Variants in ATP2A2 observed in about 807,000 individuals in gnomAD.
ATP2A2 encodes sarcoplasmic/endoplasmic reticulum calcium ATPase 2.
Under a neutral mutation model 109.3 loss-of-function variants are expected in ATP2A2, and 14 were observed. The observed-to-expected ratio is 0.13, with a 90% CI of 0.08 to 0.20. The LOEUF is 0.20. Ranked by LOEUF, ATP2A2 falls within the 10% of genes least tolerant of loss-of-function variation. The pLI, the probability that ATP2A2 is intolerant of heterozygous loss-of-function variation, is 1.00. For synonymous variants in ATP2A2, 506 were observed against 490.9 expected (o/e 1.03, Z -0.41); for missense variants, 657 against 1,321.6 (o/e 0.50, Z 7.80).
At chr12:110,334,254 C>CTA (rs1246696503) in intron 11 of ATP2A2, 111 bp downstream of exon 11, 1 of 1,317,012 alleles carries the variant, frequency 7.6e-7, no homozygotes, top group East Asian at 2.3e-5. Flanking sequence ...CTTATCTCCT[C>CTA]AAACTTACAG....
Position 110,339,709 on chromosome 12 carries a change from T to C in ATP2A2, c.1749T>C (p.Phe583=). 6.2e-7 allele frequency: 1 copy of C among 1,614,042 alleles called. No homozygotes were observed. The highest frequency in any genetic ancestry group is 1.3e-5 in the African/African-American group (1 of 75,062). ...TGCACCTTGAGGACTCTGCCAACTT[T>C]ATTAAATATGAGGTTAGCTAATGAA... is the stretch of plus-strand genomic sequence containing the variant. ...EEMHLEDSAN[F]IKYETNLTFV... is the part of the protein sequence containing the mutation. The change falls in exon 13 of 20, where the codon TTT becomes TTC. Residue 583 remains phenylalanine, a synonymous_variant. Transcript: ENST00000539276. The surrounding 1 kb of genome is among the most constrained non-coding windows in gnomAD (Gnocchi z 4.4).
At chr12:110,312,024 T>C (rs759262099) in intron 5 of ATP2A2, among the ~76,000 whole-genome samples, 21 of 151,662 alleles carry the variant, frequency 1.4e-4, no homozygotes, top group Non-Finnish European at 7.4e-5. Flanking sequence ...AAATAAAAAA[T>C]GAAAATTTGC....
In ATP2A2 at chr12:110,347,105, C is replaced by G. The variant is rs1255777566; in HGVS notation, c.*635C>G. The G allele has an allele frequency of 7.0e-6, 8 of 1,136,508 alleles. No individual in the cohort carries two copies. The highest frequency in any genetic ancestry group is 6.0e-5 in the South Asian group (3 of 50,184). The allele number at this position is 1,136,508 out of a possible 1,614,324, so 70.4% of individuals were successfully genotyped here. ...TTGTGATGGTTCGTTCTGTTTACATCAGTTTTAACGAGAGGTATGCCTGTA... is the reference window on the plus strand; with the variant it reads ...TTGTGATGGTTCGTTCTGTTTACATGAGTTTTAACGAGAGGTATGCCTGTA... On this transcript the variant is annotated 3_prime_UTR_variant, in exon 20 of 20. Transcript: ENST00000539276.
intron 11 of ATP2A2, among the ~76,000 whole-genome samples, chr12:110,335,212 G>A (rs1000363757): frequency 3.3e-5 from 5 of 152,150 alleles, no homozygotes; most frequent in Non-Finnish European, 5.9e-5. Context: ...CTGCAGTACT[G>A]CCCTTAGATT....
chr12:110,347,357 CCTGGGA>C lies in ATP2A2; in HGVS notation c.*890_*895del. The C allele has an allele frequency of 7.8e-7, 1 of 1,289,076 alleles. No homozygotes were observed. Among genetic ancestry groups the C allele is most frequent in the South Asian group, 1.2e-5 (1 of 80,998 alleles). The allele number at this position is 1,289,076 out of a possible 1,614,324, so 79.9% of individuals were successfully genotyped here. On this transcript the variant is annotated 3_prime_UTR_variant, in exon 20 of 20. Transcript: ENST00000539276. ...TTGTCTTTAACTCGTAAGTGGCTTA[CCTGGGA>C]CTAACAGACATGTCCAACTTTCTCT...
At chr12:110,294,719 G>A (rs1378013119) in intron 4 of ATP2A2, among the ~76,000 whole-genome samples, 1 of 152,182 alleles carries the variant, frequency 6.6e-6, no homozygotes, top group Non-Finnish European at 1.5e-5. Context: ...GGTATGAGCA[G>A]CAATAGAGGG....
chr12:110,290,531 T>C (rs1873150984), intron 3 of ATP2A2, among the ~76,000 whole-genome samples: 1 of 152,238 alleles, frequency 6.6e-6, no homozygotes, highest in Non-Finnish European at 1.5e-5. Flanking sequence ...ATGAATGGAA[T>C]TTATTCCCTC....
Position 110,339,469 on chromosome 12 carries a change from CA to C in ATP2A2, c.1543-30del. The C allele has an allele frequency of 6.2e-7, 1 of 1,614,022 alleles. No individual in the cohort carries two copies. The highest frequency in any genetic ancestry group is 8.5e-7 in the Non-Finnish European group (1 of 1,179,966). On this transcript the variant is annotated intron_variant, in intron 12 of 19. Transcript: ENST00000539276. The surrounding 1 kb of genome is among the most constrained non-coding windows in gnomAD (Gnocchi z 4.4). ...TTAAGATCCCGGTGAACCAATAAAACAAAATTGTTTATCTAAATCTGTAACA... is the reference window on the plus strand; with the variant it reads ...TTAAGATCCCGGTGAACCAATAAAACAAATTGTTTATCTAAATCTGTAACA...
Position 110,346,064 on chromosome 12 carries a change from C to T in ATP2A2, c.2805C>T (p.Ser935=). ...GGGAGAACATCTGGCTCGTGGGCTC[C>T]ATCTGCCTGTCCATGTCACTCCACT... ...PPWENIWLVG[S]ICLSMSLHFL... is the part of the protein sequence containing the mutation. Residue 935 remains serine, a synonymous_variant, in exon 19 of 20, where the codon TCC becomes TCT. Transcript: ENST00000539276. The T allele has an allele frequency of 2.5e-6, 4 of 1,614,176 alleles. No individual in the cohort carries two copies. Among genetic ancestry groups the T allele is most frequent in the Non-Finnish European group, 3.4e-6 (4 of 1,180,016 alleles).
intron 5 of ATP2A2, among the ~76,000 whole-genome samples, chr12:110,321,899 C>G (rs542316252): frequency 6.6e-6 from 1 of 152,272 alleles, no homozygotes; most frequent in African/African-American, 2.4e-5. Flanking sequence ...CTTTTAAGAG[C>G]TATTAAAGTA....
rs918123329 is a variant in ATP2A2 at position 110,333,074 on chromosome 12, C to T, written c.1185-107C>T. ...TTTGGAATTTTTTCCAGTATGTTGT[C>T]CCAGAAATTCTGTTTTCATTATTAA... On this transcript the variant is annotated intron_variant, in intron 9 of 19. Coordinates refer to ENST00000539276, the MANE Select transcript of ATP2A2 (RefSeq NM_170665.4). 13 of 1,013,580 alleles carry T rather than the reference C, an allele frequency of 1.3e-5. No homozygotes were observed. In the African/African-American group the frequency reaches 1.9e-4, roughly 15 times the overall value. 62.8% of individuals were successfully genotyped at this position (1,013,580 alleles called of 1,614,324 possible). A position where few individuals can be genotyped will look rare whatever the true frequency, so the allele number is the denominator to read the frequency against.
At chr12:110,296,465 A>G (rs1441412667) in intron 4 of ATP2A2, 134 bp from the exon 5 acceptor site, 1 of 1,169,992 alleles carries the variant, frequency 8.5e-7, no homozygotes, top group Non-Finnish European at 1.3e-6. Context: ...TTAGATGTGA[A>G]TTGTTTAGTA....
At chr12:110,290,490 G>A (rs1457721678) in intron 3 of ATP2A2, among the ~76,000 whole-genome samples, 1 of 152,168 alleles carries the variant, frequency 6.6e-6, no homozygotes, top group Non-Finnish European at 1.5e-5. Flanking sequence ...AAGAATTGAA[G>A]TTTTATTTTT....
intron 11 of ATP2A2, among the ~76,000 whole-genome samples, chr12:110,336,670 G>A (rs1878871461): frequency 6.6e-6 from 1 of 152,128 alleles, no homozygotes; most frequent in South Asian, 2.1e-4. Flanking sequence ...CCTTTATACT[G>A]TCCTGAGAAA....
intron 18 of ATP2A2, 69 bp from the exon 19 acceptor site, chr12:110,345,932 G>A (rs1453673471): frequency 9.0e-6 from 13 of 1,446,822 alleles, no homozygotes; most frequent in Non-Finnish European, 1.3e-5. Context: ...AGTCCAACAG[G>A]GTCTTACTGC....
At chr12:110,317,417 T>TG (rs1334835402) in intron 5 of ATP2A2, among the ~76,000 whole-genome samples, 1 of 145,068 alleles carries the variant, frequency 6.9e-6, no homozygotes, top group Admixed American at 7.3e-5. Flanking sequence ...TTGGTTTGTT[T>TG]GGGTTTTTTT....
In ATP2A2 at chr12:110,342,389, C is replaced by T; in HGVS notation, c.2259C>T (p.Tyr753=). 1.2e-6 allele frequency: 2 copies of T among 1,614,140 alleles called. No individual in the cohort carries two copies. Among genetic ancestry groups the T allele is most frequent in the Non-Finnish European group, 1.7e-6 (2 of 1,180,032 alleles). ...CCGTTGAGGAGGGGCGGGCAATCTA[C>T]AACAACATGAAACAGTTCATCCGCT... is the stretch of plus-strand genomic sequence containing the variant. The part of the protein sequence containing the change: ...VAAVEEGRAI[Y]NNMKQFIRYL... Residue 753 remains tyrosine (Y), a synonymous_variant, in exon 15 of 20, where the codon TAC becomes TAT. Transcript: ENST00000539276. This position sits in a 1 kb window ranked among gnomAD's most constrained non-coding sequence, Gnocchi z 4.6.
intron 5 of ATP2A2, among the ~76,000 whole-genome samples, chr12:110,301,984 C>A (rs1175106256): frequency 6.6e-6 from 1 of 152,164 alleles, no homozygotes; most frequent in Non-Finnish European, 1.5e-5. Flanking sequence ...CGCTTTCTCA[C>A]ACTGAAATTT....
intron 6 of ATP2A2, among the ~76,000 whole-genome samples, chr12:110,323,316 C>A (rs111339374): frequency 6.6e-6 from 1 of 152,160 alleles, no homozygotes; most frequent in Non-Finnish European, 1.5e-5. Context: ...TCCCAAGTAG[C>A]TGGGACTACA....
Sources: gnomAD v4.1 joint callset for allele counts (sites outside exome capture counted in the v4.1 genomes callset) on GRCh38, gnomAD v4.1.1 for gene constraint, Gnocchi (gnomAD v3.1) non-coding constraint, MANE v1.5 for transcripts, NCBI Gene and HGNC (gene_info 2026-07-23, HGNC 2026-07-21) for gene names.